Variants in CD302 observed in about 807,000 individuals in gnomAD.
CD302 encodes CD302 molecule, also known as CD302 antigen.
Under a neutral mutation model 26.5 loss-of-function variants are expected in CD302, and 23 were observed. That is an observed-to-expected ratio of 0.87 (90% CI 0.62 to 1.23). The LOEUF (loss-of-function observed/expected upper bound fraction) is 1.23, where lower values mean the gene tolerates loss of function less well. Ranked by LOEUF, CD302 falls within the 50% of genes most tolerant of loss-of-function variation. The pLI, the probability that CD302 is intolerant of heterozygous loss-of-function variation, is 0.00. For synonymous variants in CD302, 90 were observed against 99.4 expected, an observed-to-expected ratio of 0.91 and a Z score of 0.56; for missense variants, 290 against 275.5, an observed-to-expected ratio of 1.05 and a Z score of -0.37.
intron 5 of CD302, among the ~76,000 whole-genome samples, chr2:159,775,099 G>A (rs1227701061): frequency 1.3e-5 from 2 of 152,140 alleles, no homozygotes; most frequent in Non-Finnish European, 2.9e-5. Flanking sequence ...ATCCTTATCT[G>A]CCTGTTTTCC....
At chr2:159,787,713 C>T (rs927528821) in intron 1 of CD302, among the ~76,000 whole-genome samples, 1 of 152,134 alleles carries the variant, frequency 6.6e-6, no homozygotes, top group African/African-American at 2.4e-5. Context: ...CATTCCTTCT[C>T]GCATTTCTGT....
At chr2:159,773,770 T>G (rs558938816) in intron 5 of CD302, among the ~76,000 whole-genome samples, 1 of 152,330 alleles carries the variant, frequency 6.6e-6, no homozygotes, top group African/African-American at 2.4e-5. Context: ...AGTTTTACAT[T>G]AGGAAATGTA....
intron 5 of CD302, among the ~76,000 whole-genome samples, chr2:159,774,869 T>A (rs1708263104): frequency 7.5e-6 from 1 of 133,326 alleles, no homozygotes; most frequent in Non-Finnish European, 1.8e-5. Context: ...GCAGCTACAC[T>A]TAACTGTTGG....
chr2:159,792,819 T>G (rs922505022), intron 1 of CD302, among the ~76,000 whole-genome samples: 6 of 149,844 alleles, frequency 4.0e-5, no homozygotes, highest in Non-Finnish European at 8.8e-5. Context: ...TTCAACTGCC[T>G]TCTCCTTAGG....
intron 4 of CD302, 53 bp downstream of exon 4, chr2:159,779,952 T>C: frequency 6.4e-7 from 1 of 1,561,930 alleles, no homozygotes. Flanking sequence ...TTAAAACCAG[T>C]CCTACTTTCT....
Position 159,770,635 on chromosome 2 carries a change from G to A in CD302, c.*1216C>T, listed in dbSNP as rs943955312. 4.6e-5 allele frequency: 7 copies of A among 152,138 alleles called. No individual in the cohort carries two copies. The highest frequency in any genetic ancestry group is 1.2e-4 in the African/African-American group (5 of 41,426). The allele number at this position is 152,138 out of a possible 1,614,324, so 9.4% of individuals were successfully genotyped here. On this transcript the variant is annotated 3_prime_UTR_variant, in exon 6 of 6. Transcript: ENST00000259053. ...TTCAGTCAGTAATGGACCACATATA[G>A]AACAGTGTTTCCTTAGTAGACCATA... is the stretch of plus-strand genomic sequence containing the variant.
At chr2:159,780,204 A>G (rs1352779088) in intron 3 of CD302, 26 bp from the exon 4 acceptor site, 1 of 1,609,266 alleles carries the variant, frequency 6.2e-7, no homozygotes, top group Non-Finnish European at 8.5e-7. Context: ...TATTTTCAAC[A>G]TTATGACAGT....
At chr2:159,772,714 A>T (rs1477016289) in intron 5 of CD302, among the ~76,000 whole-genome samples, 1 of 152,234 alleles carries the variant, frequency 6.6e-6, no homozygotes, top group Non-Finnish European at 1.5e-5. Context: ...TCGACTCTAA[A>T]GAATGTGAAA....
At chr2:159,786,787 TTTTTC>T (rs1485399257) in intron 1 of CD302, among the ~76,000 whole-genome samples, 1 of 152,198 alleles carries the variant, frequency 6.6e-6, no homozygotes, top group Non-Finnish European at 1.5e-5. Flanking sequence ...ATTTTTTTCT[TTTTTC>T]TTTTATTTTT....
intron 5 of CD302, among the ~76,000 whole-genome samples, chr2:159,776,697 ATTTTTTTTT>A (rs753454427): frequency 6.1e-5 from 7 of 114,624 alleles, no homozygotes; most frequent in African/African-American, 2.4e-4. Flanking sequence ...CTCACATCCA[ATTTTTTTTT>A]TTTTTTTTTT....
At chr2:159,794,269 C>CAATAA (rs746352509) in intron 1 of CD302, among the ~76,000 whole-genome samples, 7,625 of 108,322 alleles carry the variant, frequency 0.07, 442 homozygotes, top group East Asian at 0.18. Flanking sequence ...TGTCTCAAAA[C>CAATAA]AATAAAATAA....
intron 4 of CD302, among the ~76,000 whole-genome samples, chr2:159,779,473 T>G (rs1295339488): frequency 6.6e-6 from 1 of 152,052 alleles, no homozygotes; most frequent in African/African-American, 2.4e-5. Context: ...ACAAGAAATT[T>G]TTGACCTCTT....
intron 1 of CD302, among the ~76,000 whole-genome samples, chr2:159,784,690 A>G (rs1478447479): frequency 6.6e-6 from 1 of 152,126 alleles, no homozygotes; most frequent in Non-Finnish European, 1.5e-5. Context: ...ATAAACAAGT[A>G]GAAGCAAGCC....
chr2:159,769,662 C>G lies in CD302; in HGVS notation c.*2189G>C, dbSNP rs751280929. 2 of 149,048 alleles carry G rather than the reference C, an allele frequency of 1.3e-5. No individual in the cohort carries two copies. The highest frequency in any genetic ancestry group is 3.0e-5 in the Non-Finnish European group (2 of 67,534). The allele number at this position is 149,048 out of a possible 1,614,324, so 9.2% of individuals were successfully genotyped here. A position where few individuals can be genotyped will look rare whatever the true frequency, so the allele number is the denominator to read the frequency against. On this transcript the variant is annotated 3_prime_UTR_variant, in exon 6 of 6. Coordinates refer to ENST00000259053, the MANE Select transcript of CD302 (RefSeq NM_014880.5). ...CTCCATCATATATATATATATAGCACTTCATTACCAGAGGCCTCTTGGCCT... is the reference window on the plus strand; with the variant it reads ...CTCCATCATATATATATATATAGCAGTTCATTACCAGAGGCCTCTTGGCCT...
At chr2:159,786,512 T>G (rs1313222501) in intron 1 of CD302, among the ~76,000 whole-genome samples, 2 of 152,012 alleles carry the variant, frequency 1.3e-5, no homozygotes, top group Admixed American at 6.6e-5. Flanking sequence ...TTTTGTATTT[T>G]TAGTAGAGAC....
chr2:159,775,612 G>A (rs7564606), intron 5 of CD302, among the ~76,000 whole-genome samples: 140,841 of 152,252 alleles, frequency 0.93, 65,322 homozygotes, highest in African/African-American at 0.96. Flanking sequence ...TGCTTCCGCT[G>A]CTTGATTTTT....
intron 4 of CD302, 100 bp downstream of exon 4, chr2:159,779,905 A>T: frequency 7.1e-7 from 1 of 1,409,464 alleles, no homozygotes; most frequent in Non-Finnish European, 9.6e-7. Flanking sequence ...GCCTAGCCTT[A>T]TTCTATTTAT....
chr2:159,777,172 G>A (rs1338944818), intron 5 of CD302, among the ~76,000 whole-genome samples: 1 of 152,186 alleles, frequency 6.6e-6, no homozygotes, highest in Non-Finnish European at 1.5e-5. Flanking sequence ...TATCGCTTGA[G>A]CCCAGGAGGT....
chr2:159,790,192 G>T (rs1708772024), intron 1 of CD302, among the ~76,000 whole-genome samples: 1 of 152,130 alleles, frequency 6.6e-6, no homozygotes, highest in Non-Finnish European at 1.5e-5. Context: ...CACTTGAAGT[G>T]GTCAGTCTGA....
Sources: allele counts gnomAD v4.1 joint callset (sites outside exome capture counted in the v4.1 genomes callset), GRCh38; gene constraint gnomAD v4.1.1; transcripts MANE v1.5; gene names NCBI Gene and HGNC (gene_info 2026-07-23, HGNC 2026-07-21).